Variants in NRXN1 observed in about 807,000 individuals in gnomAD.
NRXN1 encodes neurexin-1.
In NRXN1, 39 loss-of-function variants were observed where a neutral mutation model predicts 150.9. That is an observed-to-expected ratio of 0.26 (90% CI 0.20 to 0.34). NRXN1 has a LOEUF of 0.34. NRXN1 is among the 10% of genes least tolerant of loss of function. NRXN1 has a pLI of 1.00. For synonymous variants in NRXN1, 924 were observed against 757.0 expected, an observed-to-expected ratio of 1.22 and a Z score of -3.62; for missense variants, 1,815 against 1,949.9, an observed-to-expected ratio of 0.93 and a Z score of 1.30.
At chr2:50,187,605 A>T (rs2061167165) in intron 18 of NRXN1, among the ~76,000 whole-genome samples, 1 of 152,200 alleles carries the variant, frequency 6.6e-6, no homozygotes, top group African/African-American at 2.4e-5. Flanking sequence ...AATTTAAAGC[A>T]GAGTTTTTTT....
At chr2:50,484,027 T>C (rs1193129915) in intron 15 of NRXN1, among the ~76,000 whole-genome samples, 2 of 152,188 alleles carry the variant, frequency 1.3e-5, no homozygotes, top group Non-Finnish European at 2.9e-5. Context: ...AAAGAACAGC[T>C]CTTTCCTATA....
Position 50,921,962 on chromosome 2 carries a change from T to C in NRXN1, c.821-82A>G. The C allele has an allele frequency of 4.2e-6, 3 of 711,770 alleles. No individual in the cohort carries two copies. The East Asian group carries it at 9.0e-5, about 21-fold the overall frequency. 44.1% of individuals were successfully genotyped at this position (711,770 alleles called of 1,614,324 possible). A position where few individuals can be genotyped will look rare whatever the true frequency, so the allele number is the denominator to read the frequency against. ...AGAGGAGAAAAACAACAATAAGTAT[T>C]ATGAACATATGTAAAGCCACTACTC... On this transcript the variant is annotated intron_variant, in intron 4 of 22. Transcript: ENST00000401669.
intron 2 of NRXN1, chr2:50,964,117 T>C (rs1187596671): frequency 6.9e-6 from 2 of 291,778 alleles, no homozygotes; most frequent in Admixed American, 4.0e-5. Context: ...GATTACAAAA[T>C]CTTTGTCATC....
intron 5 of NRXN1, among the ~76,000 whole-genome samples, chr2:50,728,270 C>T (rs1274599230): frequency 1.3e-5 from 2 of 152,134 alleles, no homozygotes; most frequent in Non-Finnish European, 2.9e-5. Flanking sequence ...AACTGAGTCC[C>T]AGTCTTCTCA....
chr2:50,372,359 T>C (rs1389483655), intron 17 of NRXN1, among the ~76,000 whole-genome samples: 1 of 152,076 alleles, frequency 6.6e-6, no homozygotes, highest in Non-Finnish European at 1.5e-5. Flanking sequence ...CTAATGATTT[T>C]TATATAGGTT....
intron 17 of NRXN1, among the ~76,000 whole-genome samples, chr2:50,403,458 C>CA (rs1033233355): frequency 2.0e-5 from 3 of 152,232 alleles, no homozygotes; most frequent in South Asian, 4.1e-4. Flanking sequence ...TAAGAAACTC[C>CA]ACTCTTTCAC....
At chr2:50,574,709 C>G (rs750232739) in intron 8 of NRXN1, among the ~76,000 whole-genome samples, 1 of 152,198 alleles carries the variant, frequency 6.6e-6, no homozygotes, top group Non-Finnish European at 1.5e-5. Flanking sequence ...TTCCCCTATG[C>G]TGTCAGGATT....
chr2:50,381,607 A>C (rs2103674877), intron 17 of NRXN1, among the ~76,000 whole-genome samples: 1 of 151,936 alleles, frequency 6.6e-6, no homozygotes, highest in East Asian at 1.9e-4. Flanking sequence ...AGCTAGAGTG[A>C]TATAGAATGG....
chr2:50,113,612 AT>A (rs551932600), intron 18 of NRXN1, among the ~76,000 whole-genome samples: 1 of 152,216 alleles, frequency 6.6e-6, no homozygotes, highest in Admixed American at 6.5e-5. Flanking sequence ...CAGTTGATCT[AT>A]CTACAACCCC....
chr2:49,988,805 C>A (rs944313380), intron 21 of NRXN1, among the ~76,000 whole-genome samples: 1 of 152,056 alleles, frequency 6.6e-6, no homozygotes, highest in Non-Finnish European at 1.5e-5. Flanking sequence ...TGCATTGATG[C>A]AATTATGTAC....
intron 21 of NRXN1, among the ~76,000 whole-genome samples, chr2:49,988,607 A>G (rs1449873999): frequency 1.5e-5 from 2 of 133,458 alleles, no homozygotes; most frequent in African/African-American, 2.7e-5. Flanking sequence ...TGGTCTTGAC[A>G]CAGTTAACTA....
At chr2:50,534,998 A>G (rs2093218185) in intron 10 of NRXN1, among the ~76,000 whole-genome samples, 1 of 152,232 alleles carries the variant, frequency 6.6e-6, no homozygotes, top group Non-Finnish European at 1.5e-5. Context: ...TAATAAAACT[A>G]GAGTGCCCCC....
At chr2:50,097,119 T>C (rs1422949539) in intron 18 of NRXN1, among the ~76,000 whole-genome samples, 3 of 152,176 alleles carry the variant, frequency 2.0e-5, no homozygotes, top group South Asian at 2.1e-4. Context: ...TGGATTGTTA[T>C]ATAGAAATGT....
chr2:50,550,117 G>C (rs1252612256), intron 9 of NRXN1, among the ~76,000 whole-genome samples: 2 of 152,028 alleles, frequency 1.3e-5, no homozygotes, highest in Non-Finnish European at 2.9e-5. Flanking sequence ...CATATAGTTA[G>C]AAAATTCCTC....
chr2:50,470,499 C>T (rs6545172), intron 16 of NRXN1, among the ~76,000 whole-genome samples: 134,683 of 151,804 alleles, frequency 0.89, 60,001 homozygotes, highest in African/African-American at 0.93. Context: ...CATGGAAACA[C>T]ATGCTGCACA....
intron 17 of NRXN1, among the ~76,000 whole-genome samples, chr2:50,261,565 C>T (rs527388032): frequency 6.6e-6 from 1 of 151,924 alleles, no homozygotes; most frequent in South Asian, 2.1e-4. Context: ...ACTTATGGAA[C>T]TCTAATGCCC....
intron 5 of NRXN1, among the ~76,000 whole-genome samples, chr2:50,669,235 T>C (rs923530775): frequency 2.6e-5 from 4 of 151,964 alleles, no homozygotes; most frequent in South Asian, 2.1e-4. Flanking sequence ...ACCTGGAACA[T>C]GGTGGAGCTC....
At chr2:50,629,032 T>A (rs553832074) in intron 5 of NRXN1, among the ~76,000 whole-genome samples, 4 of 151,734 alleles carry the variant, frequency 2.6e-5, no homozygotes, top group African/African-American at 7.2e-5. Flanking sequence ...TCATACATTA[T>A]TGGTAGGAAC....
At chr2:50,119,454 G>A (rs1330456762) in intron 18 of NRXN1, among the ~76,000 whole-genome samples, 1 of 151,790 alleles carries the variant, frequency 6.6e-6, no homozygotes, top group Non-Finnish European at 1.5e-5. Context: ...GTTTTCCTTT[G>A]TCTTTCATCA....
Sources: gnomAD v4.1 joint callset for allele counts (sites outside exome capture counted in the v4.1 genomes callset) on GRCh38, gnomAD v4.1.1 for gene constraint, MANE v1.5 for transcripts, NCBI Gene and HGNC (gene_info 2026-07-23, HGNC 2026-07-21) for gene names.